Variants in CPNE5 observed in about 807,000 individuals in gnomAD.
CPNE5 encodes the protein copine-5.
A neutral mutation model predicts 81.1 loss-of-function variants in CPNE5; 42 were observed. The ratio of observed to expected loss-of-function variants is 0.52; its 90% CI spans 0.40 to 0.67. The LOEUF (loss-of-function observed/expected upper bound fraction) is 0.67. Ranked by LOEUF, CPNE5 falls within the 30% of genes least tolerant of loss-of-function variation. The pLI is 0.00. For synonymous variants in CPNE5, 313 were observed against 321.5 expected (o/e 0.97, Z 0.28); for missense variants, 612 against 815.5 (o/e 0.75, Z 3.04).
At chr6:36,824,991 G>A (rs1178210302) in intron 1 of CPNE5, among the ~76,000 whole-genome samples, 1 of 152,146 alleles carries the variant, frequency 6.6e-6, no homozygotes, top group Admixed American at 6.5e-5. Context: ...ATGAGGCCCT[G>A]AGGAGGATCT....
chr6:36,742,385 C>T lies in CPNE5; in HGVS notation c.1665G>A (p.Val555=). Residue 555 remains valine, a synonymous_variant, in exon 21 of 21, where the codon GTG becomes GTA. Transcript: ENST00000244751. ...GAATGCCCTGTGCCTTCATGTAGGACACCAGTTGGTCAGGGATCTCTGCCA... is the reference window on the plus strand; with the variant it reads ...GAATGCCCTGTGCCTTCATGTAGGATACCAGTTGGTCAGGGATCTCTGCCA... ...DVLAEIPDQL[V]SYMKAQGIRP... 10 of 1,613,746 alleles carry T rather than the reference C, an allele frequency of 6.2e-6. No individual in the cohort carries two copies. The highest frequency in any genetic ancestry group is 7.6e-6 in the Non-Finnish European group (9 of 1,180,004).
rs370368765 is a variant in CPNE5 at position 36,766,646 on chromosome 6, C to A, written c.738-1270G>T. Among the ~76,000 whole-genome samples, 6 of 152,094 alleles carry A rather than the reference C, an allele frequency of 3.9e-5. No individual in the cohort carries two copies. The highest frequency in any genetic ancestry group is 2.9e-5 in the Non-Finnish European group (2 of 68,002). On this transcript the variant is annotated intron_variant, in intron 10 of 20. Coordinates refer to ENST00000244751, the MANE Select transcript of CPNE5 (RefSeq NM_020939.2). This position sits in a 1 kb window ranked among gnomAD's most constrained non-coding sequence, Gnocchi z 4.2. Reference sequence around the variant, plus strand: ...GAGTGGAAAGACCAGGACGGCCCTACGCTTGGACCTGGGCCCCTCACTATG... The same window carrying A: ...GAGTGGAAAGACCAGGACGGCCCTAAGCTTGGACCTGGGCCCCTCACTATG...
At chr6:36,821,729 G>A (rs551074407) in intron 3 of CPNE5, among the ~76,000 whole-genome samples, 5 of 152,296 alleles carry the variant, frequency 3.3e-5, no homozygotes, top group Middle Eastern at 3.4e-3. Context: ...CTGAAGCCAC[G>A]CTCACCTTAG....
At position 36,745,524 on chromosome 6, in the gene CPNE5, C is replaced by T. The variant is rs146907172; in HGVS notation, c.1201-9G>A. 637 of 1,597,554 alleles carry T rather than the reference C, an allele frequency of 4.0e-4. No individual in the cohort carries two copies. In the African/African-American group the frequency reaches 7.6e-3, roughly 19 times the overall value. On this transcript the variant is annotated splice_polypyrimidine_tract_variant and intron_variant, in intron 16 of 20. Transcript: ENST00000244751. ...TTCTCCTGGTTGCCATTCTGGGGGA[C>T]AGAGGGCAGGGAGGCTGAGCCCAGG...
At chr6:36,787,721 G>C (rs941284428) in intron 8 of CPNE5, among the ~76,000 whole-genome samples, 1 of 152,274 alleles carries the variant, frequency 6.6e-6, no homozygotes, top group East Asian at 1.9e-4. Flanking sequence ...GACACCTAAG[G>C]GGTGGGGAGG....
chr6:36,806,467 C>T (rs141967192), intron 3 of CPNE5, among the ~76,000 whole-genome samples: 1 of 152,310 alleles, frequency 6.6e-6, no homozygotes, highest in East Asian at 1.9e-4. Context: ...ACTCAGAGAG[C>T]AGCAGTGCCT....
Position 36,746,342 on chromosome 6 carries a change from G to C in CPNE5, c.1200+54C>G. ...GGAAACGTCCCCCCACCCCCAGCTT[G>C]TCACCTCACCCCCAGCCTGATCAGT... On this transcript the variant is annotated intron_variant, in intron 16 of 20. Transcript: ENST00000244751. This position sits in a 1 kb window ranked among gnomAD's most constrained non-coding sequence, Gnocchi z 4.5. 7.0e-7 allele frequency: 1 copy of C among 1,418,728 alleles called. No individual in the cohort carries two copies. The highest frequency in any genetic ancestry group is 2.5e-5 in the Admixed American group (1 of 39,406). The allele number at this position is 1,418,728 out of a possible 1,614,324, so 87.9% of individuals were successfully genotyped here.
In CPNE5 at chr6:36,746,504, A is replaced by T; in HGVS notation, c.1092T>A (p.Thr364=). 2 of 1,613,828 alleles carry T rather than the reference A, an allele frequency of 1.2e-6. No individual in the cohort carries two copies. The change falls in exon 16 of 21, where the codon ACT becomes ACA. Residue 364 remains threonine, a synonymous_variant. Coordinates refer to ENST00000244751, the MANE Select transcript of CPNE5 (RefSeq NM_020939.2). This position sits in a 1 kb window ranked among gnomAD's most constrained non-coding sequence, Gnocchi z 4.5. ...AGTGCTGGATGATCTCTCCGACGGC[A>T]GTCAGCGCCAGCGCGTAGGCGTTCA... ...YQLNAYALAL[T]AVGEIIQHYD...
At chr6:36,836,218 CCA>C (rs1773488991) in intron 1 of CPNE5, among the ~76,000 whole-genome samples, 1 of 152,218 alleles carries the variant, frequency 6.6e-6, no homozygotes, top group Non-Finnish European at 1.5e-5. Context: ...CTGTCCATCC[CCA>C]GTGTCATTTG....
At chr6:36,781,104 A>G (rs1768001488) in intron 8 of CPNE5, among the ~76,000 whole-genome samples, 1 of 152,120 alleles carries the variant, frequency 6.6e-6, no homozygotes, top group Admixed American at 6.5e-5. Flanking sequence ...CATTCCGGTT[A>G]CCCTGGGATG....
chr6:36,757,198 T>G (rs554588833), intron 12 of CPNE5: 6 of 394,868 alleles, frequency 1.5e-5, no homozygotes, highest in East Asian at 3.2e-4. Context: ...CCCTCGCCAG[T>G]TTTTCTTTGT....
At chr6:36,834,429 G>A (rs1211223726) in intron 1 of CPNE5, among the ~76,000 whole-genome samples, 2 of 152,092 alleles carry the variant, frequency 1.3e-5, no homozygotes, top group African/African-American at 4.8e-5. Context: ...GCCGAGGCAG[G>A]CCGATCACCT....
chr6:36,797,495 C>T (rs747000618), intron 6 of CPNE5, among the ~76,000 whole-genome samples: 3 of 152,148 alleles, frequency 2.0e-5, no homozygotes, highest in East Asian at 1.9e-4. Flanking sequence ...AGGTAAGAAT[C>T]GTTTATACAG....
chr6:36,811,979 CT>C (rs1771146198), intron 3 of CPNE5, among the ~76,000 whole-genome samples: 1 of 152,140 alleles, frequency 6.6e-6, no homozygotes, highest in Admixed American at 6.6e-5. Flanking sequence ...TGGCATATGC[CT>C]GTAATCCTAG....
intron 20 of CPNE5, chr6:36,743,092 GC>G (rs1763716001): frequency 2.0e-6 from 2 of 985,276 alleles, no homozygotes; most frequent in South Asian, 9.4e-5. Flanking sequence ...GGGATACTGG[GC>G]CCCAATTTTT....
intron 1 of CPNE5, among the ~76,000 whole-genome samples, chr6:36,824,033 C>A (rs188522080): frequency 1.1e-4 from 17 of 152,330 alleles, no homozygotes; most frequent in African/African-American, 3.8e-4. Flanking sequence ...TTCAACCTCT[C>A]TGAGCCTGTT....
intron 11 of CPNE5, among the ~76,000 whole-genome samples, chr6:36,764,474 G>A (rs1766363667): frequency 6.6e-6 from 1 of 152,260 alleles, no homozygotes; most frequent in South Asian, 2.1e-4. Context: ...GACTTGGGAG[G>A]TACCAGCGGA....
intron 9 of CPNE5, 37 bp from the exon 10 acceptor site, chr6:36,775,102 CA>C (rs1341361544): frequency 6.5e-7 from 1 of 1,543,588 alleles, no homozygotes; most frequent in Non-Finnish European, 9.0e-7. Context: ...CTGTCAGGCC[CA>C]AACCCAAGGG....
At chr6:36,811,092 A>G (rs1311320729) in intron 3 of CPNE5, among the ~76,000 whole-genome samples, 1 of 152,210 alleles carries the variant, frequency 6.6e-6, no homozygotes, top group Non-Finnish European at 1.5e-5. Context: ...GGAACGGGGA[A>G]CGACCCTTTA....
Sources: allele counts gnomAD v4.1 joint callset (sites outside exome capture counted in the v4.1 genomes callset), GRCh38; gene constraint gnomAD v4.1.1; non-coding constraint Gnocchi (gnomAD v3.1); transcripts MANE v1.5; gene names NCBI Gene and HGNC (gene_info 2026-07-23, HGNC 2026-07-21).